Variants in STIM1 observed in about 807,000 individuals in gnomAD.
STIM1 encodes the protein stromal interaction molecule 1.
STIM1 carries 25 observed loss-of-function variants against 74.7 expected under a neutral mutation model. The ratio of observed to expected loss-of-function variants is 0.33; its 90% CI spans 0.24 to 0.47. STIM1 has a LOEUF of 0.47. STIM1 is among the 20% of genes least tolerant of loss of function. The pLI is 1.00. For synonymous variants in STIM1, 328 were observed against 348.8 expected (o/e 0.94, Z 0.66); for missense variants, 728 against 920.8 (o/e 0.79, Z 2.71).
chr11:3,888,520 G>A (rs994238505), intron 1 of STIM1, among the ~76,000 whole-genome samples: 2 of 152,056 alleles, frequency 1.3e-5, no homozygotes, highest in African/African-American at 4.8e-5. Flanking sequence ...TGTATAGTTT[G>A]GAACATTGCC....
intron 3 of STIM1, among the ~76,000 whole-genome samples, 162 bp from the exon 4 acceptor site, chr11:4,055,364 A>T (rs1484075906): frequency 6.6e-6 from 1 of 152,220 alleles, no homozygotes; most frequent in Non-Finnish European, 1.5e-5. Flanking sequence ...CTAGGATTTC[A>T]TATAAATAGA....
chr11:4,092,123 C>T lies in STIM1; in HGVS notation c.*325C>T, dbSNP rs1590703985. 1.4e-5 allele frequency: 6 copies of T among 414,138 alleles called. No homozygotes were observed. The East Asian group carries it at 3.0e-4, about 20-fold the overall frequency. 25.7% of individuals were successfully genotyped at this position (414,138 alleles called of 1,614,324 possible). A position where few individuals can be genotyped will look rare whatever the true frequency, so the allele number is the denominator to read the frequency against. ...GGGTTCAGCTTCTGTCTCTGCTGTC[C>T]CAGTTTTGAGGTTTGGTTTCTTGTT... On this transcript the variant is annotated 3_prime_UTR_variant, in exon 13 of 13. Transcript: ENST00000526596.
intron 1 of STIM1, among the ~76,000 whole-genome samples, chr11:3,886,507 T>C (rs1281285034): frequency 6.6e-6 from 1 of 150,556 alleles, no homozygotes; most frequent in Admixed American, 6.6e-5. Context: ...GATAACATGG[T>C]GAAACCCTGT....
Position 4,092,105 on chromosome 11 carries a change from G to T in STIM1, c.*307G>T. 2.2e-6 allele frequency: 1 copy of T among 452,984 alleles called. No homozygotes were observed. Among genetic ancestry groups the T allele is most frequent in the South Asian group, 2.4e-5 (1 of 41,960 alleles). 28.1% of individuals were successfully genotyped at this position (452,984 alleles called of 1,614,324 possible). A position where few individuals can be genotyped will look rare whatever the true frequency, so the allele number is the denominator to read the frequency against. ...CTCCCAGCTCCACCTCTGGGGTTCA[G>T]CTTCTGTCTCTGCTGTCCCAGTTTT... On this transcript the variant is annotated 3_prime_UTR_variant, in exon 13 of 13. Coordinates refer to ENST00000526596, the MANE Select transcript of STIM1 (RefSeq NM_001382567.1).
At chr11:4,029,607 GAGAC>G (rs977495682) in intron 3 of STIM1, among the ~76,000 whole-genome samples, 1 of 151,034 alleles carries the variant, frequency 6.6e-6, no homozygotes, top group Non-Finnish European at 1.5e-5. Context: ...GAGACAGAGA[GAGAC>G]AGAGTGTGCG....
intron 12 of STIM1, 53 bp from the exon 13 acceptor site, chr11:4,091,229 A>G (rs780555717): frequency 1.2e-6 from 2 of 1,611,466 alleles, no homozygotes; most frequent in Non-Finnish European, 1.7e-6. Flanking sequence ...CCTTTCCCCT[A>G]TCACCTCATC....
At chr11:3,923,168 T>TA (rs1491099415) in intron 1 of STIM1, among the ~76,000 whole-genome samples, 1 of 151,908 alleles carries the variant, frequency 6.6e-6, no homozygotes, top group Non-Finnish European at 1.5e-5. Context: ...TAATTTTTTT[T>TA]ATCTAAAAGT....
At chr11:3,991,154 C>T (rs916907170) in intron 2 of STIM1, among the ~76,000 whole-genome samples, 87 of 148,996 alleles carry the variant, frequency 5.8e-4, no homozygotes, top group African/African-American at 2.0e-3. Flanking sequence ...ATATGTACCA[C>T]ATTTTCTTTC....
chr11:4,041,272 T>C (rs2094144934), intron 3 of STIM1, among the ~76,000 whole-genome samples: 1 of 152,130 alleles, frequency 6.6e-6, no homozygotes, highest in South Asian at 2.1e-4. Context: ...TATATTCCCC[T>C]CTCTAGAAGA....
intron 1 of STIM1, among the ~76,000 whole-genome samples, chr11:3,865,700 T>A (rs1293382998): frequency 1.3e-5 from 2 of 152,208 alleles, no homozygotes; most frequent in Non-Finnish European, 2.9e-5. Flanking sequence ...CAGAGCCTTA[T>A]GTTGTATGTC....
intron 1 of STIM1, chr11:3,892,332 G>A (rs1454971943): frequency 6.1e-6 from 6 of 985,308 alleles, no homozygotes; most frequent in African/African-American, 1.6e-5. Flanking sequence ...GTGGAGGGGT[G>A]CTCTCCTGAC....
intron 2 of STIM1, among the ~76,000 whole-genome samples, chr11:3,975,323 A>C (rs1044669015): frequency 2.0e-5 from 3 of 152,232 alleles, no homozygotes; most frequent in African/African-American, 7.2e-5. Context: ...GACAATAGAA[A>C]ATAAGCCAGG....
chr11:3,871,819 C>T (rs2091106601), intron 1 of STIM1, among the ~76,000 whole-genome samples: 1 of 152,126 alleles, frequency 6.6e-6, no homozygotes, highest in South Asian at 2.1e-4. Flanking sequence ...ATTTCCTCAT[C>T]CCAGGTATTG....
chr11:4,080,053 T>C (rs1217330528), intron 7 of STIM1, among the ~76,000 whole-genome samples: 1 of 151,088 alleles, frequency 6.6e-6, no homozygotes, highest in Non-Finnish European at 1.5e-5. Flanking sequence ...ACCCTGTCTC[T>C]ACCAAGAAAT....
intron 3 of STIM1, among the ~76,000 whole-genome samples, chr11:4,042,216 A>G (rs887188760): frequency 3.9e-5 from 6 of 152,222 alleles, no homozygotes; most frequent in Non-Finnish European, 7.3e-5. Context: ...GCTAGGGAGT[A>G]TACTGTTCCT....
intron 2 of STIM1, among the ~76,000 whole-genome samples, chr11:3,988,793 A>G (rs1262637432): frequency 6.6e-6 from 1 of 152,246 alleles, no homozygotes; most frequent in Admixed American, 6.5e-5. Context: ...TAAAATGTTC[A>G]AGACATTAAA....
chr11:3,874,619 A>G (rs1363094034), intron 1 of STIM1, among the ~76,000 whole-genome samples: 1 of 152,214 alleles, frequency 6.6e-6, no homozygotes, highest in African/African-American at 2.4e-5. Flanking sequence ...ATATCCAGAG[A>G]GTCTTCTTCG....
chr11:4,009,672 C>A (rs2093817347), intron 2 of STIM1, among the ~76,000 whole-genome samples: 1 of 151,834 alleles, frequency 6.6e-6, no homozygotes, highest in South Asian at 2.1e-4. Context: ...AATGAATAAT[C>A]TTCATAAAAA....
intron 2 of STIM1, among the ~76,000 whole-genome samples, chr11:3,984,472 C>T (rs1258078756): frequency 1.3e-5 from 2 of 152,124 alleles, no homozygotes; most frequent in Non-Finnish European, 2.9e-5. Flanking sequence ...GAAACCTGCT[C>T]CTTAGGCTAA....
Sources: gnomAD v4.1 joint callset for allele counts (sites outside exome capture counted in the v4.1 genomes callset) on GRCh38, gnomAD v4.1.1 for gene constraint, MANE v1.5 for transcripts, NCBI Gene and HGNC (gene_info 2026-07-23, HGNC 2026-07-21) for gene names.